The following TWIST1 variants were observed in gnomAD, a reference collection of about 807,000 sequenced individuals.
The protein encoded by TWIST1 is twist-related protein 1.
Under a neutral mutation model 12.9 loss-of-function variants are expected in TWIST1, and 8 were observed. The observed-to-expected ratio is 0.62, with a 90% CI of 0.37 to 1.12. TWIST1 has a LOEUF of 1.12. Among genes scored for constraint, TWIST1 ranks in the 50% most tolerant of loss-of-function variants. TWIST1 has a pLI of 0.02. For synonymous variants in TWIST1, 169 were observed against 138.7 expected (o/e 1.22, Z -1.54); for missense variants, 268 against 299.7 (o/e 0.89, Z 0.78).
rs1239881306 is a variant in TWIST1 at position 19,115,513 on chromosome 7, G to C, written c.*661C>G. 1 of 152,430 alleles carries C rather than the reference G, an allele frequency of 6.6e-6. No homozygotes were observed. Among genetic ancestry groups the C allele is most frequent in the Non-Finnish European group, 1.5e-5 (1 of 68,010 alleles). The allele number at this position is 152,430 out of a possible 1,614,324, so 9.4% of individuals were successfully genotyped here. On this transcript the variant is annotated 3_prime_UTR_variant, in exon 2 of 2. Transcript: ENST00000242261. ...TATTTATTGCAGAAAAATATACAAA[G>C]ATATTTACAAAACAATCATAAAAAT...
chr7:19,117,603 C>A lies in TWIST1; in HGVS notation c.-282G>T, dbSNP rs1036898815. ...CCGCCAGGCCTCCTGGAAACGGTGC[C>A]GGTGCTGCAGAGCCCGCGAGGTGTC... On this transcript the variant is annotated 5_prime_UTR_variant, in exon 1 of 2. Transcript: ENST00000242261. The A allele has an allele frequency of 1.8e-6, 2 of 1,085,534 alleles. No homozygotes were observed. The highest frequency in any genetic ancestry group is 5.5e-5 in the Admixed American group (1 of 18,060). The allele number at this position is 1,085,534 out of a possible 1,614,324, so 67.2% of individuals were successfully genotyped here.
At chr7:19,114,744 A>G (rs1354586371), downstream of TWIST1, among the ~76,000 whole-genome samples, 1 of 152,212 alleles carries the variant, frequency 6.6e-6, no homozygotes, top group African/African-American at 2.4e-5. Context: ...TGATTATTCC[A>G]ACTGTGATTA....
At position 19,117,017 on chromosome 7, in the gene TWIST1, G is replaced by A; in HGVS notation, c.305C>T (p.Ser102Phe). 2 of 1,546,416 alleles carry A rather than the reference G, an allele frequency of 1.3e-6. No individual in the cohort carries two copies. Among genetic ancestry groups the A allele is most frequent in the South Asian group, 1.2e-5 (1 of 82,848 alleles). ...GSSSGGGSPQ[S>F]YEELQTQRVM... Reference sequence around the variant, plus strand: ...CCGCTGCGTCTGCAGCTCCTCGTAAGACTGCGGACTCCCGCCGCCGCTGCT... The same window carrying A: ...CCGCTGCGTCTGCAGCTCCTCGTAAAACTGCGGACTCCCGCCGCCGCTGCT... Residue 102 changes from serine (S) to phenylalanine (F), a missense_variant, in exon 1 of 2, where the codon TCT becomes TTT. Around this residue, in one of 2 missense-constraint regions of TWIST1, gnomAD observed 189 missense variants for 172.1 expected, o/e 1.10. Transcript: ENST00000242261.
At position 19,117,220 on chromosome 7, in the gene TWIST1, G is replaced by C; in HGVS notation, c.102C>G (p.Arg34=). ...TGCTGCTGCGCCGCTTGCGTCCCCCGCGCTTGCCGCTCGGCGGCTGCTGCC... is the reference window on the plus strand; with the variant it reads ...TGCTGCTGCGCCGCTTGCGTCCCCCCCGCTTGCCGCTCGGCGGCTGCTGCC... ...PDRQQPPSGK[R]GGRKRRSSRR... is the part of the protein sequence containing the mutation. Residue 34 remains arginine, a synonymous_variant, in exon 1 of 2, where the codon CGC becomes CGG. Transcript: ENST00000242261. 1 of 1,401,554 alleles carries C rather than the reference G, an allele frequency of 7.1e-7. No individual in the cohort carries two copies. The highest frequency in any genetic ancestry group is 1.4e-5 in the South Asian group (1 of 71,120). The allele number at this position is 1,401,554 out of a possible 1,614,324, so 86.8% of individuals were successfully genotyped here. A position where few individuals can be genotyped will look rare whatever the true frequency, so the allele number is the denominator to read the frequency against.
In TWIST1 at chr7:19,117,106, G is replaced by A. The variant is rs1585617568; in HGVS notation, c.216C>T (p.Gly72=). The A allele has an allele frequency of 7.8e-7, 1 of 1,276,206 alleles. No individual in the cohort carries two copies. Among genetic ancestry groups the A allele is most frequent in the South Asian group, 2.4e-5 (1 of 40,970 alleles). 79.1% of individuals were successfully genotyped at this position (1,276,206 alleles called of 1,614,324 possible). The change falls in exon 1 of 2, where the codon GGC becomes GGT. Residue 72 remains glycine, a synonymous_variant. Coordinates refer to ENST00000242261, the MANE Select transcript of TWIST1 (RefSeq NM_000474.4). ...AGCCCGCAGACTTCTTGCCGCGCTT[G>A]CCCTGGGCCGGGCTGCCCGGCTCGT... The part of the protein sequence containing the change: ...GGDEPGSPAQ[G]KRGKKSAGCG...
downstream of TWIST1, chr7:19,113,222 T>G (rs1788505059): frequency 1.3e-5 from 2 of 152,172 alleles, no homozygotes. Context: ...CTGACCAACT[T>G]ATAAATAAAA....
At chr7:19,116,593 G>A (rs1489259606) in intron 1 of TWIST1, 78 bp downstream of exon 1, 19 of 1,153,784 alleles carry the variant, frequency 1.6e-5, no homozygotes, top group East Asian at 1.3e-4. Flanking sequence ...GGAAATCGAG[G>A]TGGACTGGGA....
chr7:19,116,570 G>T, intron 1 of TWIST1, 101 bp downstream of exon 1: 2 of 961,290 alleles, frequency 2.1e-6, no homozygotes, highest in Non-Finnish European at 3.1e-6. Flanking sequence ...TGAGCGGAGA[G>T]TGGGAGAGGG....
Position 19,117,263 on chromosome 7 carries a change from C to A in TWIST1, c.59G>T (p.Ser20Ile). 6.8e-7 allele frequency: 1 copy of A among 1,468,880 alleles called. No individual in the cohort carries two copies. Among genetic ancestry groups the A allele is most frequent in the Admixed American group, 2.3e-5 (1 of 44,040 alleles). The allele number at this position is 1,468,880 out of a possible 1,614,324, so 91.0% of individuals were successfully genotyped here. A position where few individuals can be genotyped will look rare whatever the true frequency, so the allele number is the denominator to read the frequency against. Residue 20 changes from serine to isoleucine, a missense_variant, in exon 1 of 2, where the codon AGC (serine) becomes ATC (isoleucine). Physicochemically the swap from Ser to Ile is moderately radical, Grantham distance 142. Coordinates refer to ENST00000242261, the MANE Select transcript of TWIST1 (RefSeq NM_000474.4). ...VSPADDSLSN[S>I]EEEPDRQQPP... ...CTGCTGCCGGTCTGGCTCTTCCTCG[C>A]TGTTGCTCAGGCTGTCGTCGGCCGG... is the stretch of plus-strand genomic sequence containing the variant.
Position 19,116,895 on chromosome 7 carries a change from G to C in TWIST1, c.427C>G (p.Leu143Val). 1 of 1,614,154 alleles carries C rather than the reference G, an allele frequency of 6.2e-7. No individual in the cohort carries two copies. Among genetic ancestry groups the C allele is most frequent in the East Asian group, 2.2e-5 (1 of 44,870 alleles). Residue 143 changes from leucine (L) to valine (V), a missense_variant, in exon 1 of 2, where the codon CTG becomes GTG. Leu to Val is a conservative substitution (Grantham distance 32). Around this residue, in one of 2 missense-constraint regions of TWIST1, gnomAD observed 79 missense variants for 127.6 expected, o/e 0.62. Transcript: ENST00000242261. ...KIIPTLPSDK[L>V]SKIQTLKLAA... is the part of the protein sequence containing the mutation. ...AGCTTGAGGGTCTGAATCTTGCTCA[G>C]CTTGTCCGAGGGCAGCGTGGGGATG...
rs1192453490 is a variant in TWIST1 at position 19,116,659 on chromosome 7, C to T, written c.*42+12G>A. 1 of 1,542,964 alleles carries T rather than the reference C, an allele frequency of 6.5e-7. No homozygotes were observed. Among genetic ancestry groups the T allele is most frequent in the Non-Finnish European group, 8.7e-7 (1 of 1,145,278 alleles). ...CCTGAGAGGCGAAGGGGTGCAGCGGCGCGGTCCTTACCTAGGTCTCCGGCC... is the reference window on the plus strand; with the variant it reads ...CCTGAGAGGCGAAGGGGTGCAGCGGTGCGGTCCTTACCTAGGTCTCCGGCC... On this transcript the variant is annotated intron_variant, in intron 1 of 1. Coordinates refer to ENST00000242261, the MANE Select transcript of TWIST1 (RefSeq NM_000474.4).
Position 19,116,887 on chromosome 7 carries a change from C to T in TWIST1, c.435G>A (p.Lys145=), listed in dbSNP as rs906799015. 6.2e-7 allele frequency: 1 copy of T among 1,614,164 alleles called. No individual in the cohort carries two copies. Among genetic ancestry groups the T allele is most frequent in the Non-Finnish European group, 8.5e-7 (1 of 1,180,004 alleles). ...IPTLPSDKLS[K]IQTLKLAARY... ...TGGCCGCCAGCTTGAGGGTCTGAAT[C>T]TTGCTCAGCTTGTCCGAGGGCAGCG... is the stretch of plus-strand genomic sequence containing the variant. The change falls in exon 1 of 2, where the codon AAG becomes AAA. Residue 145 remains lysine (K), a synonymous_variant. Coordinates refer to ENST00000242261, the MANE Select transcript of TWIST1 (RefSeq NM_000474.4).
In TWIST1 at chr7:19,116,878, G is replaced by A. The variant is rs752216770; in HGVS notation, c.444C>T (p.Thr148=). Residue 148 remains threonine (T), a synonymous_variant, in exon 1 of 2, where the codon ACC becomes ACT. Coordinates refer to ENST00000242261, the MANE Select transcript of TWIST1 (RefSeq NM_000474.4). ...CGATGTACCTGGCCGCCAGCTTGAGGGTCTGAATCTTGCTCAGCTTGTCCG... is the reference window on the plus strand; with the variant it reads ...CGATGTACCTGGCCGCCAGCTTGAGAGTCTGAATCTTGCTCAGCTTGTCCG... ...LPSDKLSKIQ[T]LKLAARYIDF... The A allele has an allele frequency of 4.3e-6, 7 of 1,614,162 alleles. No individual in the cohort carries two copies. Among genetic ancestry groups the A allele is most frequent in the Non-Finnish European group, 5.9e-6 (7 of 1,180,008 alleles).
In TWIST1 at chr7:19,117,452, A is replaced by C. The variant is rs944941417; in HGVS notation, c.-131T>G. 8 of 1,189,626 alleles carry C rather than the reference A, an allele frequency of 6.7e-6. No homozygotes were observed. In the African/African-American group the frequency reaches 1.3e-4, roughly 19 times the overall value. 73.7% of individuals were successfully genotyped at this position (1,189,626 alleles called of 1,614,324 possible). A position where few individuals can be genotyped will look rare whatever the true frequency, so the allele number is the denominator to read the frequency against. On this transcript the variant is annotated 5_prime_UTR_variant, in exon 1 of 2. Transcript: ENST00000242261. ...GGCCCGCGGAGGAGAGAGCAGGAGGACGGACGGGAGGGACCTCCGCGGGGA... is the reference window on the plus strand; with the variant it reads ...GGCCCGCGGAGGAGAGAGCAGGAGGCCGGACGGGAGGGACCTCCGCGGGGA...
At chr7:19,116,515 G>T (rs1047074271) in intron 1 of TWIST1, among the ~76,000 whole-genome samples, 156 bp downstream of exon 1, 1 of 152,158 alleles carries the variant, frequency 6.6e-6, no homozygotes, top group Non-Finnish European at 1.5e-5. Flanking sequence ...GCCTTCCGGG[G>T]ACGCTGGGGG....
rs1474139103 is a variant in TWIST1 at position 19,115,576 on chromosome 7, C to T, written c.*598G>A. On this transcript the variant is annotated 3_prime_UTR_variant, in exon 2 of 2. Transcript: ENST00000242261. Reference sequence around the variant, plus strand: ...AGACACCGGATCTATTTGCATTTTACCATGGGTCCTCAATAAATAAATAGA... The same window carrying T: ...AGACACCGGATCTATTTGCATTTTATCATGGGTCCTCAATAAATAAATAGA... 6.6e-6 allele frequency: 1 copy of T among 152,208 alleles called. No homozygotes were observed. The highest frequency in any genetic ancestry group is 2.4e-5 in the African/African-American group (1 of 41,360). The allele number at this position is 152,208 out of a possible 1,614,324, so 9.4% of individuals were successfully genotyped here.
Position 19,117,606 on chromosome 7 carries a change from T to C in TWIST1, c.-285A>G. On this transcript the variant is annotated 5_prime_UTR_variant, in exon 1 of 2. Coordinates refer to ENST00000242261, the MANE Select transcript of TWIST1 (RefSeq NM_000474.4). ...CCAGGCCTCCTGGAAACGGTGCCGG[T>C]GCTGCAGAGCCCGCGAGGTGTCTGG... The C allele has an allele frequency of 9.3e-7, 1 of 1,079,986 alleles. No individual in the cohort carries two copies. The highest frequency in any genetic ancestry group is 1.1e-6 in the Non-Finnish European group (1 of 881,526). 66.9% of individuals were successfully genotyped at this position (1,079,986 alleles called of 1,614,324 possible). A position where few individuals can be genotyped will look rare whatever the true frequency, so the allele number is the denominator to read the frequency against.
Position 19,117,491 on chromosome 7 carries a change from A to C in TWIST1, c.-170T>G, listed in dbSNP as rs1326082749. The C allele has an allele frequency of 8.7e-7, 1 of 1,153,958 alleles. No homozygotes were observed. The highest frequency in any genetic ancestry group is 1.1e-6 in the Non-Finnish European group (1 of 930,666). The allele number at this position is 1,153,958 out of a possible 1,614,324, so 71.5% of individuals were successfully genotyped here. A position where few individuals can be genotyped will look rare whatever the true frequency, so the allele number is the denominator to read the frequency against. ...CCTCCGCGGGGAGGGCGCGCGGGGGAGGCGGGGAGGGAGGCGGGAGGGGGA... is the reference window on the plus strand; with the variant it reads ...CCTCCGCGGGGAGGGCGCGCGGGGGCGGCGGGGAGGGAGGCGGGAGGGGGA... On this transcript the variant is annotated 5_prime_UTR_variant, in exon 1 of 2. Coordinates refer to ENST00000242261, the MANE Select transcript of TWIST1 (RefSeq NM_000474.4).
In TWIST1 at chr7:19,116,902, C is replaced by A. The variant is rs73079389; in HGVS notation, c.420G>T (p.Ser140=). Residue 140 remains serine, a synonymous_variant, in exon 1 of 2, where the codon TCG becomes TCT. Transcript: ENST00000242261. ...ALRKIIPTLP[S]DKLSKIQTLK... is the part of the protein sequence containing the mutation. ...GGGTCTGAATCTTGCTCAGCTTGTCCGAGGGCAGCGTGGGGATGATCTTCC... is the reference window on the plus strand; with the variant it reads ...GGGTCTGAATCTTGCTCAGCTTGTCAGAGGGCAGCGTGGGGATGATCTTCC... The A allele has an allele frequency of 6.2e-7, 1 of 1,614,104 alleles. No homozygotes were observed. The highest frequency in any genetic ancestry group is 1.1e-5 in the South Asian group (1 of 91,084).
Sources: allele counts gnomAD v4.1 joint callset (sites outside exome capture counted in the v4.1 genomes callset), GRCh38; gene constraint gnomAD v4.1.1; regional missense constraint gnomAD v4.1.1; transcripts MANE v1.5; gene names NCBI Gene and HGNC (gene_info 2026-07-23, HGNC 2026-07-21).